RASEF: variants seen among roughly 807,000 people sequenced by gnomAD.
RASEF encodes the protein RAS and EF-hand domain containing.
A neutral mutation model predicts 90.1 loss-of-function variants in RASEF; 68 were observed. The ratio of observed to expected loss-of-function variants is 0.75; its 90% CI spans 0.62 to 0.92. The LOEUF (loss-of-function observed/expected upper bound fraction) is 0.92. Ranked by LOEUF, RASEF falls within the 40% of genes least tolerant of loss-of-function variation. The pLI is 0.00. For missense variants in RASEF, 949 were observed against 937.2 expected, an observed-to-expected ratio of 1.01 and a Z score of -0.16; for synonymous variants, 331 against 345.2, an observed-to-expected ratio of 0.96 and a Z score of 0.46.
At chr9:83,081,638 C>G in the RASEF span, among the ~76,000 whole-genome samples, 1 of 152,190 alleles carries the variant, frequency 6.6e-6, no homozygotes, top group Admixed American at 6.5e-5. Flanking sequence ...GATTCAACCA[C>G]CGTTGGAAGT....
At chr9:83,013,063 T>C (rs1829276845) in intron 4 of RASEF, among the ~76,000 whole-genome samples, 1 of 152,212 alleles carries the variant, frequency 6.6e-6, no homozygotes, top group Non-Finnish European at 1.5e-5. Flanking sequence ...CTTGATTATA[T>C]ATACCTACAT....
At chr9:83,193,149 G>C in the RASEF span, among the ~76,000 whole-genome samples, 3 of 152,200 alleles carry the variant, frequency 2.0e-5, no homozygotes, top group Non-Finnish European at 4.4e-5. Flanking sequence ...AGCACCATCA[G>C]ACTGAGCTCC....
the RASEF span, among the ~76,000 whole-genome samples, chr9:83,183,410 A>T: frequency 6.6e-6 from 1 of 152,174 alleles, no homozygotes; most frequent in Non-Finnish European, 1.5e-5. Flanking sequence ...TTTTTAGATA[A>T]GAGTTCCTTG....
At chr9:83,079,154 A>G in the RASEF span, among the ~76,000 whole-genome samples, 3 of 152,152 alleles carry the variant, frequency 2.0e-5, no homozygotes, top group East Asian at 1.9e-4. Flanking sequence ...TGGTTTGCCT[A>G]GGTTGTCTTT....
At chr9:83,044,757 G>A (rs929018918) in intron 1 of RASEF, among the ~76,000 whole-genome samples, 2 of 152,136 alleles carry the variant, frequency 1.3e-5, no homozygotes, top group Non-Finnish European at 2.9e-5. Context: ...ACTTGTCTAG[G>A]CCACGGTAGC....
At chr9:83,147,179 A>G in the RASEF span, among the ~76,000 whole-genome samples, 1 of 152,002 alleles carries the variant, frequency 6.6e-6, no homozygotes, top group African/African-American at 2.4e-5. Context: ...GCATTTTCAG[A>G]TCATTTTTAC....
At chr9:83,164,373 A>ATATATATATATATATATATATATATGTG in the RASEF span, among the ~76,000 whole-genome samples, 1 of 141,976 alleles carries the variant, frequency 7.0e-6, no homozygotes, top group Non-Finnish European at 1.5e-5. Flanking sequence ...ATATATATAT[A>ATATATATATATATATATATATATATGTG]TGTGTGTGTG....
the RASEF span, among the ~76,000 whole-genome samples, chr9:83,147,667 G>A: frequency 6.6e-6 from 1 of 152,132 alleles, no homozygotes; most frequent in African/African-American, 2.4e-5. Context: ...GCCATCTACA[G>A]ACAGCTTAAA....
At chr9:83,121,811 A>C in the RASEF span, among the ~76,000 whole-genome samples, 1 of 135,216 alleles carries the variant, frequency 7.4e-6, no homozygotes, top group Non-Finnish European at 1.6e-5. Flanking sequence ...TTCTGCAGGA[A>C]ACAGAACTAA....
Position 83,062,893 on chromosome 9 carries a change from G to A in RASEF, c.-26C>T. On this transcript the variant is annotated 5_prime_UTR_variant, in exon 1 of 17. Transcript: ENST00000376447. ...CCCGCCTGGCGGGGGCGGCCGAGAG[G>A]GCTCCGGAGCGCCGCGGGGCGCAGG... is the stretch of plus-strand genomic sequence containing the variant. 7.0e-7 allele frequency: 1 copy of A among 1,424,132 alleles called. No homozygotes were observed. Among genetic ancestry groups the A allele is most frequent in the Middle Eastern group, 2.5e-4 (1 of 3,924 alleles). The allele number at this position is 1,424,132 out of a possible 1,614,324, so 88.2% of individuals were successfully genotyped here.
the RASEF span, among the ~76,000 whole-genome samples, chr9:83,184,533 C>T: frequency 6.6e-6 from 1 of 152,114 alleles, no homozygotes. Context: ...TGGACCATTG[C>T]CCATGCTAGT....
At chr9:83,066,629 G>A (rs1056938184), upstream of RASEF, among the ~76,000 whole-genome samples, 2 of 152,154 alleles carry the variant, frequency 1.3e-5, no homozygotes, top group African/African-American at 4.8e-5. Flanking sequence ...ATGACTTTTC[G>A]AAAGATCAGC....
the RASEF span, among the ~76,000 whole-genome samples, chr9:83,144,335 GAAAGAAA>G: frequency 6.1e-4 from 34 of 55,428 alleles, 2 homozygotes; most frequent in East Asian, 5.3e-3. Context: ...AGGAAAGAAA[GAAAGAAA>G]GAAAGAAAGA....
At chr9:83,188,612 A>T in the RASEF span, among the ~76,000 whole-genome samples, 5 of 152,244 alleles carry the variant, frequency 3.3e-5, no homozygotes, top group African/African-American at 1.2e-4. Flanking sequence ...GGGAAAGATC[A>T]CACATCTCCA....
chr9:83,185,806 G>A, the RASEF span, among the ~76,000 whole-genome samples: 2 of 152,082 alleles, frequency 1.3e-5, no homozygotes, highest in South Asian at 2.1e-4. Context: ...CAGATGAACT[G>A]CAAAGCCTCA....
At chr9:83,193,045 G>T in the RASEF span, among the ~76,000 whole-genome samples, 2 of 152,216 alleles carry the variant, frequency 1.3e-5, no homozygotes, top group African/African-American at 4.8e-5. Context: ...GTGAAGTATA[G>T]AATGGATATG....
chr9:83,144,449 AAAG>A, the RASEF span, among the ~76,000 whole-genome samples: 2 of 147,886 alleles, frequency 1.4e-5, no homozygotes, highest in Admixed American at 6.8e-5. Flanking sequence ...AGAAAAAAGA[AAAG>A]AAAAGAGAAG....
chr9:83,019,066 C>A (rs1024455595), intron 3 of RASEF, among the ~76,000 whole-genome samples: 4 of 151,854 alleles, frequency 2.6e-5, no homozygotes, highest in Admixed American at 6.6e-5. Flanking sequence ...AGGGGAAAAT[C>A]TTGAGTTAAA....
At chr9:83,139,887 A>T in the RASEF span, among the ~76,000 whole-genome samples, 10 of 152,238 alleles carry the variant, frequency 6.6e-5, no homozygotes, top group African/African-American at 2.4e-4. Flanking sequence ...GTTAGCAAAT[A>T]CTATATTGGT....
Sources: allele counts gnomAD v4.1 joint callset (sites outside exome capture counted in the v4.1 genomes callset), GRCh38; gene constraint gnomAD v4.1.1; transcripts MANE v1.5; gene names NCBI Gene and HGNC (gene_info 2026-07-23, HGNC 2026-07-21).